NPR2: variants seen among roughly 807,000 people sequenced by gnomAD.
NPR2 encodes the protein natriuretic peptide receptor 2.
Under a neutral mutation model 120.7 loss-of-function variants are expected in NPR2, and 49 were observed. The observed-to-expected ratio is 0.41, with a 90% CI of 0.32 to 0.52. The LOEUF (loss-of-function observed/expected upper bound fraction) is 0.52, where lower values mean the gene tolerates loss of function less well. NPR2 is among the 20% of genes least tolerant of loss of function. The pLI is 0.36. For synonymous variants in NPR2, 484 were observed against 519.8 expected (o/e 0.93, Z 0.94); for missense variants, 931 against 1,362.9 (o/e 0.68, Z 4.99).
Position 35,808,439 on chromosome 9 carries a change from G to T in NPR2, c.2713-70G>T. Reference sequence around the variant, plus strand: ...GATGATTAATGATGGTGTCAAGCTTGTCTCCCTCTACTTTTTCCCATCCCC... The same window carrying T: ...GATGATTAATGATGGTGTCAAGCTTTTCTCCCTCTACTTTTTCCCATCCCC... On this transcript the variant is annotated intron_variant, in intron 18 of 21. Coordinates refer to ENST00000342694, the MANE Select transcript of NPR2 (RefSeq NM_003995.4). The surrounding 1 kb of genome is among the most constrained non-coding windows in gnomAD (Gnocchi z 4.0). 6.5e-7 allele frequency: 1 copy of T among 1,529,602 alleles called. No individual in the cohort carries two copies. The allele number at this position is 1,529,602 out of a possible 1,614,324, so 94.8% of individuals were successfully genotyped here. A position where few individuals can be genotyped will look rare whatever the true frequency, so the allele number is the denominator to read the frequency against.
Position 35,808,707 on chromosome 9 carries a change from C to G in NPR2, c.2887+24C>G. 1.2e-6 allele frequency: 2 copies of G among 1,613,054 alleles called. No individual in the cohort carries two copies. The highest frequency in any genetic ancestry group is 1.7e-6 in the Non-Finnish European group (2 of 1,179,014). On this transcript the variant is annotated intron_variant, in intron 19 of 21. Transcript: ENST00000342694. This position sits in a 1 kb window ranked among gnomAD's most constrained non-coding sequence, Gnocchi z 4.0. ...TGGTAAGGCTGACTCTCACTCCAGC[C>G]CTAGTCTCCACCTTTCCCAGACTCT... is the stretch of plus-strand genomic sequence containing the variant.
rs1229649862 is a variant in NPR2 at position 35,802,904 on chromosome 9, C to G, written c.1887+101C>G. The G allele has an allele frequency of 2.7e-5, 22 of 814,076 alleles. 1 individual carries two copies. Among genetic ancestry groups the G allele is most frequent in the Non-Finnish European group, 4.8e-5 (22 of 458,890 alleles). The allele number at this position is 814,076 out of a possible 1,614,324, so 50.4% of individuals were successfully genotyped here. A position where few individuals can be genotyped will look rare whatever the true frequency, so the allele number is the denominator to read the frequency against. On this transcript the variant is annotated intron_variant, in intron 12 of 21. Coordinates refer to ENST00000342694, the MANE Select transcript of NPR2 (RefSeq NM_003995.4). The surrounding 1 kb of genome is among the most constrained non-coding windows in gnomAD (Gnocchi z 4.2). ...TTCTAGTCCTCTGAAGTCCTGTTCT[C>G]TCATCTCCCCTTATTCCCATGGTCT...
chr9:35,808,794 G>A lies in NPR2; in HGVS notation c.2927G>A (p.Arg976His), dbSNP rs1309870543. The A allele has an allele frequency of 1.2e-6, 2 of 1,613,686 alleles. No individual in the cohort carries two copies. Among genetic ancestry groups the A allele is most frequent in the Non-Finnish European group, 1.7e-6 (2 of 1,179,572 alleles). ...GGGGTTGTTGGCCTGAAGATGCCCC[G>A]TTATTGTCTTTTTGGAGACACAGTG... is the stretch of plus-strand genomic sequence containing the variant. ...CAGVVGLKMPRYCLFGDTVNT... is the reference protein window; with the variant it reads ...CAGVVGLKMPHYCLFGDTVNT... The change falls in exon 20 of 22, where the codon CGT becomes CAT. Residue 976 changes from arginine to histidine, a missense_variant. Coordinates refer to ENST00000342694, the MANE Select transcript of NPR2 (RefSeq NM_003995.4). The surrounding 1 kb of genome is among the most constrained non-coding windows in gnomAD (Gnocchi z 4.0).
Position 35,809,589 on chromosome 9 carries a change from T to A in NPR2, c.*144T>A. 2 of 1,374,202 alleles carry A rather than the reference T, an allele frequency of 1.5e-6. No individual in the cohort carries two copies. Among genetic ancestry groups the A allele is most frequent in the Non-Finnish European group, 2.1e-6 (2 of 965,630 alleles). 85.1% of individuals were successfully genotyped at this position (1,374,202 alleles called of 1,614,324 possible). ...AAAAACCTACCTTATATGGAAGTTG[T>A]AGCCCTCTGCAGCTCAGCCCTGTAC... On this transcript the variant is annotated 3_prime_UTR_variant, in exon 22 of 22. Transcript: ENST00000342694. This position sits in a 1 kb window ranked among gnomAD's most constrained non-coding sequence, Gnocchi z 4.1.
In NPR2 at chr9:35,799,722, C is replaced by T. The variant is rs780925621; in HGVS notation, c.978C>T (p.Gly326=). 3.7e-6 allele frequency: 6 copies of T among 1,612,560 alleles called. No homozygotes were observed. The highest frequency in any genetic ancestry group is 4.2e-6 in the Non-Finnish European group (5 of 1,178,838). The change falls in exon 3 of 22, where the codon GGC becomes GGT. Residue 326 remains glycine (G), a synonymous_variant. Coordinates refer to ENST00000342694, the MANE Select transcript of NPR2 (RefSeq NM_003995.4). ...GGGAAGACTTTGGTGTGGAGCTGGG[C>T]CCTTCCCTGGTAAGTAGATCTCTCC... ...RAREDFGVEL[G]PSLMNLIAGC...
chr9:35,794,834 TTGTGTGTGTG>T (rs59763394), intron 2 of NPR2, among the ~76,000 whole-genome samples: 1 of 149,624 alleles, frequency 6.7e-6, no homozygotes, highest in Non-Finnish European at 1.5e-5. Context: ...CCTTGACTTT[TTGTGTGTGTG>T]TGTGTGTGTG....
At chr9:35,796,064 A>G (rs1827936634) in intron 2 of NPR2, among the ~76,000 whole-genome samples, 1 of 152,270 alleles carries the variant, frequency 6.6e-6, no homozygotes, top group Non-Finnish European at 1.5e-5. Context: ...TGTGTTACTA[A>G]AACATAAAGA....
In NPR2 at chr9:35,794,080, C is replaced by T. The variant is rs1359144678; in HGVS notation, c.850C>T (p.Gln284Ter). 6.2e-7 allele frequency: 1 copy of T among 1,614,154 alleles called. No individual in the cohort carries two copies. The highest frequency in any genetic ancestry group is 1.1e-5 in the South Asian group (1 of 91,082). Residue 284 changes from glutamine (Q) to a stop codon, truncating the protein, a stop_gained, in exon 2 of 22, where the codon CAG becomes TAG. Coordinates refer to ENST00000342694, the MANE Select transcript of NPR2 (RefSeq NM_003995.4). LOFTEE classifies it high-confidence loss of function. ...WQDNRTREQA[Q>*]ALREAFQTVL... ...GGACAATCGCACCCGGGAACAGGCC[C>T]AGGCCCTCAGAGAGGCCTTTCAGGT...
intron 17 of NPR2, 35 bp downstream of exon 17, chr9:35,807,181 TGGGTGGGTA>T: frequency 3.2e-6 from 1 of 311,874 alleles, no homozygotes; most frequent in Non-Finnish European, 6.3e-6. Context: ...CGGGTGGGGT[TGGGTGGGTA>T]GGGACCTGGG....
chr9:35,792,234 C>A lies in NPR2; in HGVS notation c.-175C>A, dbSNP rs534763256. On this transcript the variant is annotated 5_prime_UTR_variant, in exon 1 of 22. Coordinates refer to ENST00000342694, the MANE Select transcript of NPR2 (RefSeq NM_003995.4). ...TCCTTGCCCGCCCCCCGCCTTCCTC[C>A]CATCTCCCCCTCCTCTCCCCGGCCC... is the stretch of plus-strand genomic sequence containing the variant. 37 of 648,194 alleles carry A rather than the reference C, an allele frequency of 5.7e-5. No individual in the cohort carries two copies. The African/African-American group carries it at 6.1e-4, about 11-fold the overall frequency. The allele number at this position is 648,194 out of a possible 1,614,324, so 40.2% of individuals were successfully genotyped here.
chr9:35,792,173 T>C lies in NPR2; in HGVS notation c.-236T>C. The stretch of plus-strand genomic sequence containing the variant: ...CCTCCCTCCCCCTGCCACCCCGTTC[T>C]CAGTCCTCAGTCCTTGCCCTAGGCT... On this transcript the variant is annotated 5_prime_UTR_variant, in exon 1 of 22. Coordinates refer to ENST00000342694, the MANE Select transcript of NPR2 (RefSeq NM_003995.4). 2.5e-6 allele frequency: 1 copy of C among 401,290 alleles called. No individual in the cohort carries two copies. The highest frequency in any genetic ancestry group is 4.6e-6 in the Non-Finnish European group (1 of 217,088). 24.9% of individuals were successfully genotyped at this position (401,290 alleles called of 1,614,324 possible).
Position 35,807,015 on chromosome 9 carries a change from C to T in NPR2, c.2520-8C>T. The T allele has an allele frequency of 6.2e-7, 1 of 1,614,100 alleles. No homozygotes were observed. Among genetic ancestry groups the T allele is most frequent in the Non-Finnish European group, 8.5e-7 (1 of 1,179,976 alleles). On this transcript the variant is annotated splice_polypyrimidine_tract_variant and splice_region_variant and intron_variant, in intron 16 of 21. Transcript: ENST00000342694. ...GAGTTTGGCTCATACGGCACCCTTG[C>T]TTCCTAGTTCAGTGGCAGAGCAGTT...
Position 35,800,863 on chromosome 9 carries a change from G to A in NPR2, c.1351+22G>A. 6.2e-7 allele frequency: 1 copy of A among 1,614,100 alleles called. No homozygotes were observed. The highest frequency in any genetic ancestry group is 8.5e-7 in the Non-Finnish European group (1 of 1,179,996). On this transcript the variant is annotated intron_variant, in intron 6 of 21. Transcript: ENST00000342694. The surrounding 1 kb of genome is among the most constrained non-coding windows in gnomAD (Gnocchi z 4.7). ...AAAAGTGGGTGTGTGCAGGGACTGG[G>A]AGCAGCTTTCCTCCCTTTGCTTTCC...
chr9:35,804,430 G>A (rs574919235), intron 12 of NPR2, among the ~76,000 whole-genome samples: 54 of 152,114 alleles, frequency 3.5e-4, no homozygotes, highest in Middle Eastern at 3.4e-3. Context: ...GTGGGGTTTC[G>A]CCATGTTGCT....
Position 35,807,078 on chromosome 9 carries a change from A to G in NPR2, c.2575A>G (p.Ser859Gly), listed in dbSNP as rs1187549632. 6.3e-7 allele frequency: 1 copy of G among 1,583,548 alleles called. No homozygotes were observed. Among genetic ancestry groups the G allele is most frequent in the Non-Finnish European group, 8.6e-7 (1 of 1,162,372 alleles). ...GACTGTACAGGCTGAGGCCTTTGAC[A>G]GTGTTACCATCTACTTCAGTGACAT... ...GETVQAEAFD[S>G]VTIYFSDIVG... Residue 859 changes from serine to glycine, a missense_variant, in exon 17 of 22, where the codon AGT (serine) becomes GGT (glycine). By Grantham distance (56) the Ser-to-Gly change is moderately conservative (BLOSUM62 0). Coordinates refer to ENST00000342694, the MANE Select transcript of NPR2 (RefSeq NM_003995.4).
Position 35,792,322 on chromosome 9 carries a change from G to T in NPR2, c.-87G>T. 3 of 1,420,238 alleles carry T rather than the reference G, an allele frequency of 2.1e-6. No homozygotes were observed. The highest frequency in any genetic ancestry group is 2.8e-6 in the Non-Finnish European group (3 of 1,055,164). 88.0% of individuals were successfully genotyped at this position (1,420,238 alleles called of 1,614,324 possible). On this transcript the variant is annotated 5_prime_UTR_variant, in exon 1 of 22. The change creates a new upstream start codon in the 5' untranslated region. Transcript: ENST00000342694. The stretch of plus-strand genomic sequence containing the variant: ...CTCCTCTTCCTGGCCCTCTTCCCCA[G>T]GCTCCAGGCTGGGGGGTGCTCGCGT...
At chr9:35,803,770 T>C (rs1828261389) in intron 12 of NPR2, among the ~76,000 whole-genome samples, 1 of 152,238 alleles carries the variant, frequency 6.6e-6, no homozygotes, top group African/African-American at 2.4e-5. Flanking sequence ...TGAAACTAGC[T>C]TTGGTTTTCT....
In NPR2 at chr9:35,802,258, G is replaced by A; in HGVS notation, c.1685G>A (p.Arg562Gln). Residue 562 changes from arginine to glutamine, a missense_variant, in exon 10 of 22, where the codon CGG (arginine) becomes CAG (glutamine). This residue lies in a region of NPR2 where 681 missense variants were observed against 974.3 expected (regional missense o/e 0.70). Transcript: ENST00000342694. The surrounding 1 kb of genome is among the most constrained non-coding windows in gnomAD (Gnocchi z 4.2). ...AATAAGAAGCGCATTGAGCTGACCC[G>A]GCAGGTTCTGTTTGAACTCAAACAT... Reference protein sequence around the residue: ...HVNKKRIELTRQVLFELKHMR... With the variant: ...HVNKKRIELTQQVLFELKHMR... 3 of 1,604,500 alleles carry A rather than the reference G, an allele frequency of 1.9e-6. No homozygotes were observed. Among genetic ancestry groups the A allele is most frequent in the Non-Finnish European group, 2.6e-6 (3 of 1,171,864 alleles).
chr9:35,802,150 T>C lies in NPR2; in HGVS notation c.1633-56T>C. On this transcript the variant is annotated intron_variant, in intron 9 of 21. Transcript: ENST00000342694. The surrounding 1 kb of genome is among the most constrained non-coding windows in gnomAD (Gnocchi z 4.2). ...GCTTCCACTGCTCTCTAGCATTTCC[T>C]TGTACCCAGAACTTCTGATATTCAC... 3.7e-6 allele frequency: 5 copies of C among 1,352,764 alleles called. No individual in the cohort carries two copies. The highest frequency in any genetic ancestry group is 5.3e-6 in the Non-Finnish European group (5 of 941,808). The allele number at this position is 1,352,764 out of a possible 1,614,324, so 83.8% of individuals were successfully genotyped here.
Sources: allele counts gnomAD v4.1 joint callset (sites outside exome capture counted in the v4.1 genomes callset), GRCh38; gene constraint gnomAD v4.1.1; regional missense constraint gnomAD v4.1.1; non-coding constraint Gnocchi (gnomAD v3.1); transcripts MANE v1.5; gene names NCBI Gene and HGNC (gene_info 2026-07-23, HGNC 2026-07-21).